Variants in RBFOX3 observed in about 807,000 individuals in gnomAD.
RBFOX3 encodes the protein RNA binding fox-1 homolog 3.
A neutral mutation model predicts 48.7 loss-of-function variants in RBFOX3; 17 were observed. The observed-to-expected ratio is 0.35, with a 90% CI of 0.24 to 0.52. RBFOX3 has a LOEUF of 0.52. Ranked by LOEUF, RBFOX3 falls within the 20% of genes least tolerant of loss-of-function variation. The pLI, the probability that RBFOX3 is intolerant of heterozygous loss-of-function variation, is 0.94. For missense variants in RBFOX3, 382 were observed against 497.5 expected (o/e 0.77, Z 2.21); for synonymous variants, 212 against 209.5 (o/e 1.01, Z -0.10).
At chr17:79,106,555 G>A in intron 6 of RBFOX3, 96 bp downstream of exon 6, 1 of 1,362,102 alleles carries the variant, frequency 7.3e-7, no homozygotes, top group East Asian at 3.0e-5. Flanking sequence ...GGAAACCCGG[G>A]GGAACAGGTG....
rs2073710296 is a variant in RBFOX3 at position 79,090,708 on chromosome 17, G to A, written c.*175C>T. ...GCGCCCCTGCCGGCGTGCTCCCTCG[G>A]TGCGGGCGTGTGGCCAGGACGCGGG... On this transcript the variant is annotated 3_prime_UTR_variant, in exon 15 of 15. Transcript: ENST00000693108. 6 of 798,298 alleles carry A rather than the reference G, an allele frequency of 7.5e-6. No homozygotes were observed. The South Asian group carries it at 1.2e-4, about 15-fold the overall frequency. The allele number at this position is 798,298 out of a possible 1,614,324, so 49.5% of individuals were successfully genotyped here.
At chr17:79,165,612 C>T (rs746469961) in intron 4 of RBFOX3, among the ~76,000 whole-genome samples, 4 of 152,228 alleles carry the variant, frequency 2.6e-5, no homozygotes, top group Admixed American at 6.5e-5. Context: ...TTTCTGGCTC[C>T]GGAGCCCCCT....
At chr17:79,189,680 T>G (rs1433010189) in intron 4 of RBFOX3, among the ~76,000 whole-genome samples, 1 of 152,192 alleles carries the variant, frequency 6.6e-6, no homozygotes, top group Non-Finnish European at 1.5e-5. Flanking sequence ...CTAGCTGATC[T>G]TCCATGCAGC....
chr17:79,142,855 G>A (rs1013672349), intron 4 of RBFOX3, among the ~76,000 whole-genome samples: 3 of 152,162 alleles, frequency 2.0e-5, no homozygotes, highest in Admixed American at 6.5e-5. Context: ...GTTCAAGGAT[G>A]GGGGGAGAAC....
At chr17:79,349,868 C>G (rs537078331) in intron 2 of RBFOX3, among the ~76,000 whole-genome samples, 1 of 151,522 alleles carries the variant, frequency 6.6e-6, no homozygotes, top group Non-Finnish European at 1.5e-5. Context: ...CTGAGCCCCC[C>G]GGGGCAGGCA....
chr17:79,395,081 G>A (rs984580888), intron 2 of RBFOX3, among the ~76,000 whole-genome samples: 1 of 152,234 alleles, frequency 6.6e-6, no homozygotes, highest in Non-Finnish European at 1.5e-5. Flanking sequence ...GGGGATCCAG[G>A]CCCGCAAAGC....
chr17:79,108,645 C>T (rs1005293183), intron 5 of RBFOX3, among the ~76,000 whole-genome samples: 1 of 152,256 alleles, frequency 6.6e-6, no homozygotes, highest in Non-Finnish European at 1.5e-5. Flanking sequence ...GTCCGGCTGT[C>T]GCCGCCCCCA....
chr17:79,264,637 A>AGTT (rs2066372013), intron 3 of RBFOX3, among the ~76,000 whole-genome samples: 1 of 152,062 alleles, frequency 6.6e-6, no homozygotes, highest in Non-Finnish European at 1.5e-5. Context: ...TCTGGTCTGG[A>AGTT]GTTTAATTCT....
intron 2 of RBFOX3, among the ~76,000 whole-genome samples, chr17:79,397,455 T>C (rs2062147752): frequency 6.6e-6 from 1 of 150,586 alleles, no homozygotes; most frequent in East Asian, 2.0e-4. Flanking sequence ...ATAATGCCAC[T>C]GCCCTCCAGC....
the RBFOX3 span, among the ~76,000 whole-genome samples, chr17:79,639,197 C>CA: frequency 1.3e-5 from 2 of 151,554 alleles, no homozygotes; most frequent in Non-Finnish European, 2.9e-5. Flanking sequence ...TTTTTTGAGA[C>CA]AGAGTCTCAC....
intron 4 of RBFOX3, among the ~76,000 whole-genome samples, chr17:79,196,516 T>C (rs2055619289): frequency 6.6e-6 from 1 of 152,222 alleles, no homozygotes. Context: ...TGGCACATAG[T>C]AGATGTTCAA....
At chr17:79,589,246 G>T (rs1426681904) in intron 1 of RBFOX3, among the ~76,000 whole-genome samples, 2 of 152,304 alleles carry the variant, frequency 1.3e-5, no homozygotes, top group East Asian at 3.9e-4. Flanking sequence ...TCTGGGTGTG[G>T]ACTCCGCAGG....
At chr17:79,138,472 C>T (rs947571076) in intron 4 of RBFOX3, among the ~76,000 whole-genome samples, 1 of 152,054 alleles carries the variant, frequency 6.6e-6, no homozygotes, top group Non-Finnish European at 1.5e-5. Flanking sequence ...ACATACACAC[C>T]ATGTCACAGT....
chr17:79,129,867 G>A (rs962282229), intron 4 of RBFOX3, among the ~76,000 whole-genome samples: 4 of 152,216 alleles, frequency 2.6e-5, no homozygotes, highest in Non-Finnish European at 4.4e-5. Context: ...ATGCCAGGGA[G>A]GGGAGGAATG....
At chr17:79,491,969 C>A (rs2080742159) in intron 1 of RBFOX3, among the ~76,000 whole-genome samples, 1 of 152,116 alleles carries the variant, frequency 6.6e-6, no homozygotes, top group Non-Finnish European at 1.5e-5. Flanking sequence ...GAAATCCCAG[C>A]TACTCGAGAG....
chr17:79,328,321 G>A (rs540967095), intron 2 of RBFOX3, among the ~76,000 whole-genome samples: 2 of 152,326 alleles, frequency 1.3e-5, no homozygotes, highest in Admixed American at 6.5e-5. Context: ...ATTCAGGACA[G>A]GGTCATCCAC....
Position 79,214,559 on chromosome 17 carries a change from T to G in RBFOX3, c.-34+21207A>C, listed in dbSNP as rs2058767635. On this transcript the variant is annotated intron_variant, in intron 4 of 14. Transcript: ENST00000693108. The surrounding 1 kb of genome is among the most constrained non-coding windows in gnomAD (Gnocchi z 4.7). Reference sequence around the variant, plus strand: ...TGGGGCAGGCCAAGTGGGAGGGATGTCTGGGGGGGGTCTCGGAGGAAGCAG... The same window carrying G: ...TGGGGCAGGCCAAGTGGGAGGGATGGCTGGGGGGGGTCTCGGAGGAAGCAG... Among the ~76,000 whole-genome samples the G allele has an allele frequency of 6.8e-6, 1 of 147,674 alleles. No homozygotes were observed. Among genetic ancestry groups the G allele is most frequent in the Admixed American group, 6.7e-5 (1 of 14,828 alleles).
chr17:79,171,712 T>C (rs2049336486), intron 4 of RBFOX3, among the ~76,000 whole-genome samples: 1 of 108,932 alleles, frequency 9.2e-6, no homozygotes, highest in African/African-American at 5.7e-5. Flanking sequence ...TCCTCCCAAC[T>C]CAACCTCCCA....
chr17:79,219,703 T>C (rs1431969585), intron 4 of RBFOX3, among the ~76,000 whole-genome samples: 1 of 152,010 alleles, frequency 6.6e-6, no homozygotes, highest in East Asian at 1.9e-4. Flanking sequence ...GGCTCAGAGC[T>C]CCGGGGAGGT....
Sources: gnomAD v4.1 joint callset for allele counts (sites outside exome capture counted in the v4.1 genomes callset) on GRCh38, gnomAD v4.1.1 for gene constraint, Gnocchi (gnomAD v3.1) non-coding constraint, MANE v1.5 for transcripts, NCBI Gene and HGNC (gene_info 2026-07-23, HGNC 2026-07-21) for gene names.